Variants in GRM8 observed in about 807,000 individuals in gnomAD.
GRM8 encodes metabotropic glutamate receptor 8.
A neutral mutation model predicts 87.2 loss-of-function variants in GRM8; 47 were observed. The ratio of observed to expected loss-of-function variants is 0.54; its 90% CI spans 0.43 to 0.69. The LOEUF (loss-of-function observed/expected upper bound fraction) is 0.69, where lower values mean the gene tolerates loss of function less well. GRM8 is among the 30% of genes least tolerant of loss of function. The probability of loss-of-function intolerance (pLI) is 0.00; values close to 1 mark genes in which losing one functional copy is unlikely to be tolerated. For missense variants in GRM8, 1,019 were observed against 1,139.2 expected, an observed-to-expected ratio of 0.89 and a Z score of 1.52; for synonymous variants, 396 against 404.5, an observed-to-expected ratio of 0.98 and a Z score of 0.25.
intron 6 of GRM8, among the ~76,000 whole-genome samples, chr7:126,865,299 C>A (rs1798491203): frequency 6.6e-6 from 1 of 152,112 alleles, no homozygotes; most frequent in South Asian, 2.1e-4. Context: ...TGGCATGGAA[C>A]AAAGAACCTT....
chr7:126,741,712 C>G (rs1563142457), intron 7 of GRM8, among the ~76,000 whole-genome samples: 1 of 151,956 alleles, frequency 6.6e-6, no homozygotes, highest in African/African-American at 2.4e-5. Flanking sequence ...AAATTATTTC[C>G]CTTATTAATC....
At chr7:126,831,968 A>G (rs963220060) in intron 6 of GRM8, among the ~76,000 whole-genome samples, 3 of 152,216 alleles carry the variant, frequency 2.0e-5, no homozygotes, top group African/African-American at 7.2e-5. Context: ...TTGGTAGAAT[A>G]TATCCTCTAT....
chr7:127,052,924 T>C (rs1819634613), intron 3 of GRM8, among the ~76,000 whole-genome samples: 1 of 152,220 alleles, frequency 6.6e-6, no homozygotes, highest in African/African-American at 2.4e-5. Context: ...TGATGAACTA[T>C]GCCTACAAAG....
At chr7:126,806,954 C>T (rs914276123) in intron 6 of GRM8, among the ~76,000 whole-genome samples, 50 of 152,210 alleles carry the variant, frequency 3.3e-4, no homozygotes, top group African/African-American at 1.2e-3. Context: ...CCCCACAGCT[C>T]AGCGGTGGGC....
At chr7:127,110,921 C>T (rs1487274913) in intron 2 of GRM8, 1 of 152,186 alleles carries the variant, frequency 6.6e-6, no homozygotes, top group Non-Finnish European at 1.5e-5. Flanking sequence ...GGCTTCTTTT[C>T]TCTATAATGT....
At chr7:127,133,706 CAAAAAAAA>C (rs137900224) in intron 2 of GRM8, among the ~76,000 whole-genome samples, 52 of 98,784 alleles carry the variant, frequency 5.3e-4, no homozygotes, top group South Asian at 2.5e-3. Context: ...ACTCCCTCTC[CAAAAAAAA>C]AAAAAAAAAA....
At chr7:126,902,873 C>T (rs1366956536) in intron 5 of GRM8, among the ~76,000 whole-genome samples, 194 bp from the exon 6 acceptor site, 1 of 152,010 alleles carries the variant, frequency 6.6e-6, no homozygotes, top group African/African-American at 2.4e-5. Context: ...ATGGACAATC[C>T]CCCCACACCA....
chr7:126,740,061 T>C (rs1814770061), intron 7 of GRM8, among the ~76,000 whole-genome samples: 1 of 152,118 alleles, frequency 6.6e-6, no homozygotes, highest in Admixed American at 6.6e-5. Flanking sequence ...CACATGACTG[T>C]ATCAATAACT....
chr7:126,785,769 G>C (rs756629062), intron 6 of GRM8, among the ~76,000 whole-genome samples: 1 of 152,018 alleles, frequency 6.6e-6, no homozygotes, highest in East Asian at 1.9e-4. Flanking sequence ...AAGGAGCCTA[G>C]GTCACTACAG....
At chr7:126,547,714 T>C (rs998128191) in intron 8 of GRM8, among the ~76,000 whole-genome samples, 8 of 152,012 alleles carry the variant, frequency 5.3e-5, no homozygotes, top group Non-Finnish European at 8.8e-5. Context: ...GTTGGAATCA[T>C]TAAACAAAAA....
chr7:126,957,990 C>G (rs1209865490), intron 3 of GRM8, among the ~76,000 whole-genome samples: 2 of 152,138 alleles, frequency 1.3e-5, no homozygotes, highest in Non-Finnish European at 2.9e-5. Context: ...CATAAAAACT[C>G]CTGGACTCAG....
At chr7:127,084,186 T>G (rs1823198151) in intron 3 of GRM8, 2 of 152,206 alleles carry the variant, frequency 1.3e-5, no homozygotes, top group African/African-American at 4.8e-5. Flanking sequence ...AAGATATTTT[T>G]GATCTTTTAG....
intron 8 of GRM8, among the ~76,000 whole-genome samples, chr7:126,591,946 C>CAA (rs903809278): frequency 2.0e-5 from 3 of 151,462 alleles, no homozygotes; most frequent in African/African-American, 7.3e-5. Context: ...ATCAGAAACA[C>CAA]AAAAGATTGT....
chr7:126,782,556 A>G (rs184299736), intron 6 of GRM8, among the ~76,000 whole-genome samples: 10 of 152,368 alleles, frequency 6.6e-5, no homozygotes, highest in Admixed American at 6.5e-4. Flanking sequence ...AGAAAGTATG[A>G]GTAATGGGCA....
intron 9 of GRM8, among the ~76,000 whole-genome samples, chr7:126,473,404 G>A (rs10282369): frequency 0.04 from 5,792 of 145,152 alleles, 340 homozygotes; most frequent in African/African-American, 0.15. Context: ...AAACTTGCAT[G>A]GGGCCTCTAG....
intron 7 of GRM8, among the ~76,000 whole-genome samples, chr7:126,762,717 T>C (rs555367118): frequency 1.3e-5 from 2 of 152,114 alleles, no homozygotes; most frequent in South Asian, 2.1e-4. Flanking sequence ...TGGTGGGTTT[T>C]AGTTAAAAAC....
intron 2 of GRM8, among the ~76,000 whole-genome samples, chr7:127,154,306 C>T (rs1042996804): frequency 6.6e-6 from 1 of 152,130 alleles, no homozygotes; most frequent in Non-Finnish European, 1.5e-5. Context: ...CTTCCTGCTA[C>T]TTCCATTCCT....
At position 126,466,204 on chromosome 7, in the gene GRM8, G is replaced by T. The variant is rs149004389; in HGVS notation, c.2431-19832C>A. On this transcript the variant is annotated intron_variant, in intron 9 of 10. Coordinates refer to ENST00000339582, the MANE Select transcript of GRM8 (RefSeq NM_000845.3). ...TTTAGTTAGAATTGTTCTAAAGAAT[G>T]TAATGGTTCCATTATAAAGAGGGTA... Among the ~76,000 whole-genome samples, 130 of 151,822 alleles carry T rather than the reference G, an allele frequency of 8.6e-4. 1 individual carries two copies. Among genetic ancestry groups the T allele is most frequent in the African/African-American group, 2.8e-3 (118 of 41,438 alleles).
chr7:126,952,646 CATG>C (rs1049526465), intron 3 of GRM8, among the ~76,000 whole-genome samples: 2 of 152,034 alleles, frequency 1.3e-5, no homozygotes, highest in African/African-American at 4.8e-5. Flanking sequence ...AATCCCATGA[CATG>C]ATGTGCTGAG....
Sources: allele counts gnomAD v4.1 joint callset (sites outside exome capture counted in the v4.1 genomes callset), GRCh38; gene constraint gnomAD v4.1.1; transcripts MANE v1.5; gene names NCBI Gene and HGNC (gene_info 2026-07-23, HGNC 2026-07-21).